Variants in TG observed in about 807,000 individuals in gnomAD.
TG encodes the protein thyroglobulin, also known as thyroid hormones.
Under a neutral mutation model 324.7 loss-of-function variants are expected in TG, and 270 were observed. That is an observed-to-expected ratio of 0.83 (90% CI 0.75 to 0.92). The LOEUF is 0.92. TG is among the 40% of genes least tolerant of loss of function. The pLI is 0.00. For missense variants in TG, 3,591 were observed against 3,456.4 expected, an observed-to-expected ratio of 1.04 and a Z score of -0.98; for synonymous variants, 1,401 against 1,327.0, an observed-to-expected ratio of 1.06 and a Z score of -1.21.
At chr8:133,009,632 T>C (rs1834325909) in intron 35 of TG, among the ~76,000 whole-genome samples, 1 of 152,106 alleles carries the variant, frequency 6.6e-6, no homozygotes, top group African/African-American at 2.4e-5. Flanking sequence ...TGGGATGTTA[T>C]TAAAAGGTGG....
At chr8:133,092,025 C>T (rs1847630711) in intron 41 of TG, among the ~76,000 whole-genome samples, 2 of 152,192 alleles carry the variant, frequency 1.3e-5, no homozygotes, top group African/African-American at 4.8e-5. Flanking sequence ...TAGACAAACT[C>T]CAAGTCTCCT....
At chr8:132,995,009 G>A in intron 35 of TG, 1 of 969,926 alleles carries the variant, frequency 1.0e-6, no homozygotes. Context: ...CATTGGCTCA[G>A]TTATGCTGTA....
intron 18 of TG, among the ~76,000 whole-genome samples, chr8:132,910,758 T>C (rs1227211759): frequency 6.6e-6 from 1 of 152,218 alleles, no homozygotes; most frequent in Non-Finnish European, 1.5e-5. Flanking sequence ...CAGTCTGTGG[T>C]ATTTCGTAAT....
Position 133,116,627 on chromosome 8 carries a change from C to T in TG, c.7773C>T (p.Cys2591=). ...ENATRDYFII[C]PIIDMASAWA... is the part of the protein sequence containing the mutation. Reference sequence around the variant, plus strand: ...TCACCAGGGACTACTTTATCATCTGCCCTATAATCGACATGGCCAGTGCCT... The same window carrying T: ...TCACCAGGGACTACTTTATCATCTGTCCTATAATCGACATGGCCAGTGCCT... The change falls in exon 45 of 48, where the codon TGC becomes TGT. Residue 2591 remains cysteine, a synonymous_variant. Coordinates refer to ENST00000220616, the MANE Select transcript of TG (RefSeq NM_003235.5). 1 of 1,614,210 alleles carries T rather than the reference C, an allele frequency of 6.2e-7. No individual in the cohort carries two copies. The highest frequency in any genetic ancestry group is 8.5e-7 in the Non-Finnish European group (1 of 1,180,006).
At chr8:132,945,527 A>G (rs2130004609) in intron 26 of TG, among the ~76,000 whole-genome samples, 1 of 152,320 alleles carries the variant, frequency 6.6e-6, no homozygotes, top group African/African-American at 2.4e-5. Context: ...CTGAGTTTTT[A>G]GATGCAAAGA....
chr8:133,040,190 T>G, intron 41 of TG: 1 of 1,541,558 alleles, frequency 6.5e-7, no homozygotes, highest in Non-Finnish European at 8.8e-7. Flanking sequence ...CAGTGTGGGG[T>G]TCAGGCCTGA....
Position 132,869,744 on chromosome 8 carries a change from G to A in TG, c.192G>A (p.Gln64=). ...EDGSFQTVQC[Q]NDGRSCWCVG... The stretch of plus-strand genomic sequence containing the variant: ...TCCTCCTCAGGACTGTCCAGTGCCA[G>A]AACGACGGCCGCTCCTGCTGGTGTG... Residue 64 remains glutamine (Q), a synonymous_variant, in exon 3 of 48, where the codon CAG becomes CAA. Transcript: ENST00000220616. The A allele has an allele frequency of 6.2e-7, 1 of 1,614,226 alleles. No individual in the cohort carries two copies.
intron 35 of TG, chr8:132,994,896 C>A (rs1284845575): frequency 4.2e-6 from 5 of 1,192,158 alleles, no homozygotes; most frequent in Non-Finnish European, 4.3e-6. Context: ...AGGTAATGAG[C>A]TCCCTGTCAC....
chr8:132,924,418 A>G (rs1234038712), intron 22 of TG, among the ~76,000 whole-genome samples: 1 of 152,048 alleles, frequency 6.6e-6, no homozygotes, highest in African/African-American at 2.4e-5. Context: ...GCCTTGTTCC[A>G]TATCTTAATT....
chr8:132,881,672 G>A (rs1467814086), intron 5 of TG, among the ~76,000 whole-genome samples, 191 bp from the exon 6 acceptor site: 1 of 152,198 alleles, frequency 6.6e-6, no homozygotes, highest in Non-Finnish European at 1.5e-5. Context: ...GGTCCAGCCT[G>A]GTTCCAGCCA....
At chr8:132,882,394 ATC>A (rs1457775180) in intron 6 of TG, 73 bp from the exon 7 acceptor site, 2 of 1,540,072 alleles carry the variant, frequency 1.3e-6, no homozygotes, top group African/African-American at 2.7e-5. Context: ...CTCTCTCAGT[ATC>A]TGTTTGCACA....
At chr8:133,020,258 C>T (rs555113672) in intron 39 of TG, among the ~76,000 whole-genome samples, 35 of 152,310 alleles carry the variant, frequency 2.3e-4, no homozygotes, top group African/African-American at 8.4e-4. Flanking sequence ...CTGCCTTGGG[C>T]TGTCCGGGCC....
At chr8:132,879,015 G>C (rs981156161) in intron 5 of TG, among the ~76,000 whole-genome samples, 5 of 152,196 alleles carry the variant, frequency 3.3e-5, no homozygotes, top group Admixed American at 3.3e-4. Flanking sequence ...ATCTAATAAG[G>C]AGGAGGCTGA....
At chr8:132,941,851 A>G (rs1339344739) in intron 26 of TG, among the ~76,000 whole-genome samples, 1 of 152,182 alleles carries the variant, frequency 6.6e-6, no homozygotes, top group African/African-American at 2.4e-5. Context: ...TCATTTGCTC[A>G]TGTTCAGACA....
chr8:133,112,206 C>A (rs1052744825), intron 43 of TG, among the ~76,000 whole-genome samples: 1 of 152,252 alleles, frequency 6.6e-6, no homozygotes, highest in Non-Finnish European at 1.5e-5. Flanking sequence ...TGATGGAATT[C>A]TAATCACATT....
chr8:132,872,991 C>T (rs1428590764), intron 4 of TG, 71 bp from the exon 5 acceptor site: 2 of 1,529,340 alleles, frequency 1.3e-6, no homozygotes, highest in African/African-American at 1.4e-5. Context: ...GACACGAGTG[C>T]ATATGCTGCT....
chr8:133,061,802 C>G (rs563859874), intron 41 of TG, among the ~76,000 whole-genome samples: 2 of 152,266 alleles, frequency 1.3e-5, no homozygotes, highest in East Asian at 3.9e-4. Context: ...TGTACAGGTT[C>G]TGGAAAGAAG....
chr8:133,045,108 G>A, intron 41 of TG: 1 of 1,614,204 alleles, frequency 6.2e-7, no homozygotes, highest in Non-Finnish European at 8.5e-7. Context: ...CCGACAGTGA[G>A]TAAAACCCTG....
At chr8:132,936,782 C>T (rs766268668) in intron 25 of TG, among the ~76,000 whole-genome samples, 3 of 152,214 alleles carry the variant, frequency 2.0e-5, no homozygotes, top group South Asian at 2.1e-4. Context: ...CAGCAAGGCA[C>T]GCTCTGAGCC....
Sources: allele counts gnomAD v4.1 joint callset (sites outside exome capture counted in the v4.1 genomes callset), GRCh38; gene constraint gnomAD v4.1.1; transcripts MANE v1.5; gene names NCBI Gene and HGNC (gene_info 2026-07-23, HGNC 2026-07-21).